ELOB: variants seen among roughly 807,000 people sequenced by gnomAD.
ELOB encodes the protein elongin-B.
ELOB carries 3 observed loss-of-function variants against 12.9 expected under a neutral mutation model. The ratio of observed to expected loss-of-function variants is 0.23; its 90% confidence interval spans 0.11 to 0.60. ELOB has a LOEUF of 0.60. ELOB is among the 20% of genes least tolerant of loss of function. The pLI, the probability that ELOB is intolerant of heterozygous loss-of-function variation, is 0.89. For synonymous variants in ELOB, 84 were observed against 67.4 expected (o/e 1.25, Z -1.21); for missense variants, 126 against 159.2 (o/e 0.79, Z 1.12).
chr16:2,775,578 T>G, intron 2 of ELOB, 22 bp from the exon 3 acceptor site: 1 of 1,597,444 alleles, frequency 6.3e-7, no homozygotes, highest in Non-Finnish European at 8.5e-7. Context: ...AGCAGGATCT[T>G]GGGAGAGGCC....
chr16:2,776,764 T>G (rs2068803366), intron 2 of ELOB, among the ~76,000 whole-genome samples: 1 of 152,224 alleles, frequency 6.6e-6, no homozygotes, highest in East Asian at 1.9e-4. Context: ...CATGCCACGG[T>G]GCCCTCGGCG....
rs1423445474 is a variant in ELOB at position 2,771,660 on chromosome 16, C to T, written c.*330G>A. 1.9e-6 allele frequency: 3 copies of T among 1,610,288 alleles called. No homozygotes were observed. Among genetic ancestry groups the T allele is most frequent in the South Asian group, 1.1e-5 (1 of 90,710 alleles). On this transcript the variant is annotated 3_prime_UTR_variant, in exon 4 of 4. Transcript: ENST00000409906. Reference sequence around the variant, plus strand: ...AAGGCCTAAAACTGGAATCTCTTGTCCCTGAGGCTGGCTCTGGTCTTTGTG... The same window carrying T: ...AAGGCCTAAAACTGGAATCTCTTGTTCCTGAGGCTGGCTCTGGTCTTTGTG...
chr16:2,772,193 G>A, intron 3 of ELOB, 91 bp from the exon 4 acceptor site: 1 of 1,415,940 alleles, frequency 7.1e-7, no homozygotes, highest in Admixed American at 2.8e-5. Context: ...CTGCAGCTTT[G>A]GGGATCTCCA....
intron 2 of ELOB, among the ~76,000 whole-genome samples, chr16:2,776,313 T>C (rs2068799672): frequency 6.6e-6 from 1 of 152,204 alleles, no homozygotes; most frequent in African/African-American, 2.4e-5. Flanking sequence ...AGTTTCCCAG[T>C]TTCCAGCTCT....
intron 2 of ELOB, 69 bp from the exon 3 acceptor site, chr16:2,775,625 A>C (rs1399555086): frequency 1.6e-6 from 2 of 1,286,348 alleles, no homozygotes; most frequent in South Asian, 1.3e-5. Context: ...CTGACCAGCA[A>C]CTACACGGGA....
intron 2 of ELOB, 121 bp downstream of exon 2, chr16:2,776,872 C>T (rs1186579158): frequency 7.3e-7 from 1 of 1,360,918 alleles, no homozygotes; most frequent in South Asian, 1.4e-5. Flanking sequence ...TGTCCCAGTC[C>T]CGCGGCTCGG....
Position 2,771,541 on chromosome 16 carries a change from A to ACC in ELOB, c.*447_*448dup, listed in dbSNP as rs780074064. On this transcript the variant is annotated 3_prime_UTR_variant, in exon 4 of 4. Coordinates refer to ENST00000409906, the MANE Select transcript of ELOB (RefSeq NM_007108.4). ...GTTCCCTCGTTGAACATGCTGTCAAACCAGGACACTGGCTCCAGCTTGTGT... is the reference window on the plus strand; with the variant it reads ...GTTCCCTCGTTGAACATGCTGTCAAACCCCAGGACACTGGCTCCAGCTTGTGT... The ACC allele has an allele frequency of 1.8e-5, 29 of 1,614,104 alleles. 1 individual carries two copies. The Admixed American group carries it at 4.7e-4, about 26-fold the overall frequency.
intron 3 of ELOB, among the ~76,000 whole-genome samples, chr16:2,773,942 C>T (rs1567256687): frequency 6.6e-6 from 1 of 152,194 alleles, no homozygotes; most frequent in Non-Finnish European, 1.5e-5. Context: ...CAGACAGGCA[C>T]CCCTGGGCCA....
intron 3 of ELOB, among the ~76,000 whole-genome samples, chr16:2,773,762 G>A (rs1312786769): frequency 2.0e-5 from 3 of 152,162 alleles, no homozygotes; most frequent in Admixed American, 6.5e-5. Flanking sequence ...ACCTTCCTTA[G>A]CCTTGATTTT....
At chr16:2,773,335 C>G (rs1192465426) in intron 3 of ELOB, among the ~76,000 whole-genome samples, 1 of 152,148 alleles carries the variant, frequency 6.6e-6, no homozygotes. Flanking sequence ...GCAACCCACA[C>G]AGCAATCCAG....
intron 3 of ELOB, 138 bp from the exon 4 acceptor site, chr16:2,772,240 C>G: frequency 9.6e-7 from 1 of 1,040,452 alleles, no homozygotes; most frequent in Non-Finnish European, 1.3e-6. Context: ...GTCTCCACAG[C>G]GCTGACCTCC....
rs763332020 is a variant in ELOB, at chr16:2,771,618, G to T, written c.*372C>A. ...TGGACATGCAGGCTATGGGGGTGGG[G>T]GGCACTTAGAAGGAGAAAGGCCTAA... On this transcript the variant is annotated 3_prime_UTR_variant, in exon 4 of 4. Transcript: ENST00000409906. 6.2e-7 allele frequency: 1 copy of T among 1,614,010 alleles called. No homozygotes were observed. The highest frequency in any genetic ancestry group is 2.2e-5 in the East Asian group (1 of 44,874).
chr16:2,777,198 C>T (rs2068807145), intron 1 of ELOB, 39 bp downstream of exon 1: 3 of 998,060 alleles, frequency 3.0e-6, no homozygotes, highest in Non-Finnish European at 1.2e-6. Flanking sequence ...CCCGCCGCCC[C>T]CGGCCCGGCC....
chr16:2,776,470 G>A (rs1366032380), intron 2 of ELOB, among the ~76,000 whole-genome samples: 1 of 152,176 alleles, frequency 6.6e-6, no homozygotes, highest in Non-Finnish European at 1.5e-5. Context: ...GGGAAAGGGG[G>A]GCTTCTAGGA....
chr16:2,774,589 T>C (rs1271844334), intron 3 of ELOB, among the ~76,000 whole-genome samples: 1 of 152,256 alleles, frequency 6.6e-6, no homozygotes, highest in Non-Finnish European at 1.5e-5. Context: ...CAGCCTTTGC[T>C]ATGTTCCCTT....
At chr16:2,772,256 C>T in intron 3 of ELOB, 154 bp from the exon 4 acceptor site, 1 of 879,454 alleles carries the variant, frequency 1.1e-6, no homozygotes, top group Non-Finnish European at 1.6e-6. Flanking sequence ...CCTCCCTGTT[C>T]CAGCTACCCC....
At chr16:2,776,747 G>A (rs1296446493) in intron 2 of ELOB, among the ~76,000 whole-genome samples, 4 of 152,260 alleles carry the variant, frequency 2.6e-5, no homozygotes, top group Admixed American at 2.0e-4. Flanking sequence ...TACCGTTGCA[G>A]GGGTTGCATG....
chr16:2,776,154 G>A (rs1596303354), intron 2 of ELOB, among the ~76,000 whole-genome samples: 1 of 152,186 alleles, frequency 6.6e-6, no homozygotes, highest in East Asian at 1.9e-4. Context: ...AATGAGCTAG[G>A]AAGAAACATA....
chr16:2,773,141 T>C (rs1409508572), intron 3 of ELOB, among the ~76,000 whole-genome samples: 9 of 152,124 alleles, frequency 5.9e-5, no homozygotes, highest in Admixed American at 5.9e-4. Context: ...TTTTCTCCTG[T>C]GCTTTCTTCC....
Sources: gnomAD v4.1 joint callset for allele counts (sites outside exome capture counted in the v4.1 genomes callset) on GRCh38, gnomAD v4.1.1 for gene constraint, MANE v1.5 for transcripts, NCBI Gene and HGNC (gene_info 2026-07-23, HGNC 2026-07-21) for gene names.